SSBP4: variants seen among roughly 807,000 people sequenced by gnomAD.
SSBP4 encodes the protein single-stranded DNA-binding protein 4.
Under a neutral mutation model 64.6 loss-of-function variants are expected in SSBP4, and 33 were observed. The observed-to-expected ratio is 0.51, with a 90% confidence interval of 0.39 to 0.68. The LOEUF (loss-of-function observed/expected upper bound fraction) is 0.68, where lower values mean the gene tolerates loss of function less well. Ranked by LOEUF, SSBP4 falls within the 30% of genes least tolerant of loss-of-function variation. The pLI is 0.00. For missense variants in SSBP4, 583 were observed against 566.8 expected (o/e 1.03, Z -0.29); for synonymous variants, 243 against 224.0 (o/e 1.08, Z -0.76).
chr19:18,424,684 A>G (rs117419635), intron 1 of SSBP4, among the ~76,000 whole-genome samples: 1,917 of 151,864 alleles, frequency 0.013, 16 homozygotes, highest in Non-Finnish European at 0.02. Flanking sequence ...CCAGGTGTGC[A>G]GTGGAGGTGG....
the SSBP4 span, among the ~76,000 whole-genome samples, chr19:18,405,836 A>C: frequency 1.3e-5 from 2 of 152,216 alleles, no homozygotes; most frequent in South Asian, 4.1e-4. Flanking sequence ...CTAAAAATAC[A>C]AAAAATTAGT....
rs1480857068 is a variant in SSBP4, at chr19:18,433,049, T to C, written c.912+6T>C. 1.2e-6 allele frequency: 2 copies of C among 1,613,732 alleles called. No individual in the cohort carries two copies. Among genetic ancestry groups the C allele is most frequent in the Non-Finnish European group, 1.7e-6 (2 of 1,179,970 alleles). ...AGGGCGCCGGCAGGGCTAATGTGAG[T>C]GGGGGCTTGCAGGGGTGCTTCTCGA... On this transcript the variant is annotated splice_donor_region_variant and intron_variant, in intron 14 of 17. Coordinates refer to ENST00000270061, the MANE Select transcript of SSBP4 (RefSeq NM_032627.5).
intron 6 of SSBP4, 63 bp from the exon 7 acceptor site, chr19:18,431,584 A>C (rs2144787284): frequency 6.6e-7 from 1 of 1,509,668 alleles, no homozygotes; most frequent in East Asian, 2.5e-5. Context: ...GCATAGCAGG[A>C]ATGGGGTAGC....
chr19:18,429,372 AC>A (rs1973145715), intron 4 of SSBP4, among the ~76,000 whole-genome samples: 1 of 149,768 alleles, frequency 6.7e-6, no homozygotes, highest in South Asian at 2.1e-4. Flanking sequence ...GGGATGATTG[AC>A]GTAGGGGGTC....
upstream of SSBP4, among the ~76,000 whole-genome samples, chr19:18,415,802 A>C (rs895161740): frequency 1.8e-4 from 27 of 152,152 alleles, no homozygotes; most frequent in South Asian, 1.2e-3. Context: ...TTCTCCTGGC[A>C]ACCTCCCTGC....
intron 10 of SSBP4, 110 bp downstream of exon 10, chr19:18,432,324 T>A: frequency 7.0e-7 from 1 of 1,422,408 alleles, no homozygotes; most frequent in Non-Finnish European, 9.6e-7. Context: ...TGGATATTGT[T>A]TATTTCATGG....
At chr19:18,412,842 A>C in the SSBP4 span, among the ~76,000 whole-genome samples, 4 of 152,186 alleles carry the variant, frequency 2.6e-5, no homozygotes, top group African/African-American at 9.7e-5. Context: ...AGAGCACTGA[A>C]GCAGAGCGCT....
At chr19:18,404,486 C>T in the SSBP4 span, among the ~76,000 whole-genome samples, 2 of 150,508 alleles carry the variant, frequency 1.3e-5, no homozygotes, top group African/African-American at 2.5e-5. Flanking sequence ...TCCAGCTACT[C>T]GGGAGGCTGA....
In SSBP4 at chr19:18,433,053, G is replaced by C. The variant is rs769239757; in HGVS notation, c.912+10G>C. ...CGCCGGCAGGGCTAATGTGAGTGGGGGCTTGCAGGGGTGCTTCTCGAGGCG... is the reference window on the plus strand; with the variant it reads ...CGCCGGCAGGGCTAATGTGAGTGGGCGCTTGCAGGGGTGCTTCTCGAGGCG... On this transcript the variant is annotated intron_variant, in intron 14 of 17. Coordinates refer to ENST00000270061, the MANE Select transcript of SSBP4 (RefSeq NM_032627.5). The C allele has an allele frequency of 1.2e-6, 2 of 1,614,054 alleles. No individual in the cohort carries two copies. Among genetic ancestry groups the C allele is most frequent in the Non-Finnish European group, 1.7e-6 (2 of 1,180,028 alleles).
chr19:18,433,966 C>T lies in SSBP4; in HGVS notation c.1128+149C>T, dbSNP rs1403204581. 4.2e-6 allele frequency: 5 copies of T among 1,201,198 alleles called. No homozygotes were observed. The South Asian group carries it at 1.6e-4, about 38-fold the overall frequency. The allele number at this position is 1,201,198 out of a possible 1,614,324, so 74.4% of individuals were successfully genotyped here. On this transcript the variant is annotated intron_variant, in intron 17 of 17. Transcript: ENST00000270061. ...GCGGCCGCGGCATCCTTTCCCTCTC[C>T]TCAACCTCTCCCCACCCCCCACCAC...
At chr19:18,424,162 T>C (rs1309504279) in intron 1 of SSBP4, among the ~76,000 whole-genome samples, 1 of 152,186 alleles carries the variant, frequency 6.6e-6, no homozygotes, top group Non-Finnish European at 1.5e-5. Context: ...TCCTTTGGCC[T>C]CCCATCGCTC....
At chr19:18,416,000 C>T (rs183331137), upstream of SSBP4, among the ~76,000 whole-genome samples, 5 of 152,254 alleles carry the variant, frequency 3.3e-5, no homozygotes, top group Admixed American at 2.0e-4. Context: ...TCACTGGCAA[C>T]GGAGCTTCTT....
upstream of SSBP4, among the ~76,000 whole-genome samples, chr19:18,413,992 G>C (rs913773451): frequency 6.6e-6 from 1 of 151,762 alleles, no homozygotes; most frequent in South Asian, 2.1e-4. Context: ...ACTCCAGCCT[G>C]GGCAACAGTG....
the SSBP4 span, among the ~76,000 whole-genome samples, chr19:18,411,126 A>G: frequency 6.6e-6 from 1 of 152,074 alleles, no homozygotes; most frequent in Non-Finnish European, 1.5e-5. Context: ...AGAAAGCAAA[A>G]CATAGAAACC....
At position 18,427,163 on chromosome 19, in the gene SSBP4, C is replaced by G. The variant is rs547308576; in HGVS notation, c.60-188C>G. Among the ~76,000 whole-genome samples the G allele has an allele frequency of 2.0e-4, 30 of 152,280 alleles. No homozygotes were observed. The East Asian group carries it at 5.2e-3, about 26-fold the overall frequency. On this transcript the variant is annotated intron_variant, in intron 1 of 17. Coordinates refer to ENST00000270061, the MANE Select transcript of SSBP4 (RefSeq NM_032627.5). This position sits in a 1 kb window ranked among gnomAD's most constrained non-coding sequence, Gnocchi z 4.4. ...GAGCGTGGAACACAGCCGAATTCGGCCCGGAATTGGGGGTCACGGATGCCT... is the reference window on the plus strand; with the variant it reads ...GAGCGTGGAACACAGCCGAATTCGGGCCGGAATTGGGGGTCACGGATGCCT...
In SSBP4 at chr19:18,433,141, C is replaced by G; in HGVS notation, c.919C>G (p.Leu307Val). 1.2e-6 allele frequency: 2 copies of G among 1,606,528 alleles called. No individual in the cohort carries two copies. The highest frequency in any genetic ancestry group is 1.1e-5 in the South Asian group (1 of 90,406). ...GQGAGRANFP[L>V]GPGPEGPMAA... ...GCTGTCCCCATGCCCGCAGTTCCCG[C>G]TCGGCCCTGGCCCGGAGGGCCCCAT... Residue 307 changes from leucine to valine, a missense_variant, in exon 15 of 18, where the codon CTC becomes GTC. Physicochemically the swap from Leu to Val is conservative, Grantham distance 32. Transcript: ENST00000270061.
At chr19:18,433,967 TCAACCTCTCCC>T in intron 17 of SSBP4, 150 bp downstream of exon 17, 1 of 1,189,848 alleles carries the variant, frequency 8.4e-7, no homozygotes, top group Non-Finnish European at 1.1e-6. Flanking sequence ...TTCCCTCTCC[TCAACCTCTCCC>T]CACCCCCCAC....
At chr19:18,430,669 A>T (rs967398478) in intron 4 of SSBP4, among the ~76,000 whole-genome samples, 172 bp from the exon 5 acceptor site, 8 of 152,160 alleles carry the variant, frequency 5.3e-5, no homozygotes, top group Non-Finnish European at 1.0e-4. Flanking sequence ...CCTGCGTCCT[A>T]CAGGGTCTTC....
chr19:18,418,179 G>C (rs1275165184), upstream of SSBP4, among the ~76,000 whole-genome samples: 1 of 152,160 alleles, frequency 6.6e-6, no homozygotes, highest in Non-Finnish European at 1.5e-5. The surrounding 1 kb of genome is among the most constrained non-coding windows in gnomAD (Gnocchi z 6.7). Flanking sequence ...TTGGGTGTTT[G>C]CCCGCCCCCC....
Sources: gnomAD v4.1 joint callset for allele counts (sites outside exome capture counted in the v4.1 genomes callset) on GRCh38, gnomAD v4.1.1 for gene constraint, Gnocchi (gnomAD v3.1) non-coding constraint, MANE v1.5 for transcripts, NCBI Gene and HGNC (gene_info 2026-07-23, HGNC 2026-07-21) for gene names.